CCDC32: variants seen among roughly 807,000 people sequenced by gnomAD.
CCDC32 encodes coiled-coil domain containing 32, also known as coiled-coil domain-containing protein 32.
In CCDC32, 9 loss-of-function variants were observed where a neutral mutation model predicts 20.1. That is an observed-to-expected ratio of 0.45 (90% CI 0.27 to 0.78). The LOEUF (loss-of-function observed/expected upper bound fraction) is 0.78. Ranked by LOEUF, CCDC32 falls within the 30% of genes least tolerant of loss-of-function variation. The pLI is 0.16. For synonymous variants in CCDC32, 63 were observed against 79.0 expected (o/e 0.80, Z 1.07); for missense variants, 204 against 215.5 (o/e 0.95, Z 0.33).
At chr15:40,532,198 G>A (rs1888902184), downstream of CCDC32, 6 of 673,238 alleles carry the variant, frequency 8.9e-6, no homozygotes, top group Non-Finnish European at 1.4e-5. Context: ...TCTGGTCAAG[G>A]GATAGGTTTT....
intron 3 of CCDC32, among the ~76,000 whole-genome samples, chr15:40,545,500 T>C (rs982305427): frequency 6.6e-6 from 1 of 152,036 alleles, no homozygotes; most frequent in African/African-American, 2.4e-5. Context: ...ACACAACACT[T>C]GGGACAGAGG....
intron 3 of CCDC32, among the ~76,000 whole-genome samples, chr15:40,547,216 G>C (rs1339147256): frequency 6.6e-6 from 1 of 152,014 alleles, no homozygotes; most frequent in African/African-American, 2.4e-5. Context: ...CTCTAGTGGT[G>C]GGCTGCTTAG....
chr15:40,551,920 A>G (rs1368717487), downstream of CCDC32, among the ~76,000 whole-genome samples: 3 of 151,828 alleles, frequency 2.0e-5, no homozygotes, highest in Non-Finnish European at 4.4e-5. Flanking sequence ...TGAGAGGCCA[A>G]GGTGGAAGGA....
chr15:40,528,750 C>G (rs1486103778), exon 4 of CCDC32: 7 of 701,502 alleles, frequency 1.0e-5, no homozygotes, highest in Non-Finnish European at 1.6e-5. Flanking sequence ...TCCTAGCTGG[C>G]CTGCCCAAAG....
intron 3 of CCDC32, among the ~76,000 whole-genome samples, chr15:40,539,555 A>G (rs1889286953): frequency 6.6e-6 from 1 of 152,068 alleles, no homozygotes; most frequent in African/African-American, 2.4e-5. Flanking sequence ...AGACAGAGAC[A>G]AGAGACAAAC....
At chr15:40,538,055 G>T (rs1889205551), downstream of CCDC32, 1 of 152,234 alleles carries the variant, frequency 6.6e-6, no homozygotes, top group Non-Finnish European at 1.5e-5. Flanking sequence ...TGACTACAAG[G>T]TCTGCGGTCC....
intron 3 of CCDC32, chr15:40,528,834 T>C (rs1338665502): frequency 1.5e-6 from 1 of 688,758 alleles, no homozygotes; most frequent in Non-Finnish European, 2.6e-6. Flanking sequence ...AGAAAACCCC[T>C]CAACAGTCCT....
downstream of CCDC32, among the ~76,000 whole-genome samples, chr15:40,549,198 C>G (rs1412453374): frequency 6.6e-6 from 1 of 152,176 alleles, no homozygotes; most frequent in Non-Finnish European, 1.5e-5. Flanking sequence ...TCCCTGTTCT[C>G]CCACAATAAA....
chr15:40,542,552 G>A (rs559981556), intron 3 of CCDC32, among the ~76,000 whole-genome samples: 2 of 152,278 alleles, frequency 1.3e-5, no homozygotes, highest in South Asian at 4.1e-4. Context: ...TGCATACCAA[G>A]GCATTCCTGT....
At chr15:40,538,936 G>C, downstream of CCDC32, 6 of 425,342 alleles carry the variant, frequency 1.4e-5, no homozygotes, top group Non-Finnish European at 2.6e-5. Flanking sequence ...GGGGCCTGAG[G>C]TCTAGTGCTT....
chr15:40,529,088 G>A (rs1361953128), intron 3 of CCDC32, among the ~76,000 whole-genome samples: 1 of 152,206 alleles, frequency 6.6e-6, no homozygotes, highest in Non-Finnish European at 1.5e-5. Context: ...GGACCCACAC[G>A]TACACTAGAA....
chr15:40,527,409 G>A (rs140872275), downstream of CCDC32, among the ~76,000 whole-genome samples: 286 of 152,314 alleles, frequency 1.9e-3, 2 homozygotes, highest in African/African-American at 6.7e-3. Flanking sequence ...GATCTCAAGC[G>A]ATCCACCTGC....
rs146011966 is a variant in CCDC32 at position 40,554,572 on chromosome 15, A to G, written c.402-445T>C. On this transcript the variant is annotated intron_variant, in intron 3 of 3. Transcript: ENST00000416810. ...CCTCTTATAGCTGAGGCAGTCTGGG[A>G]CTCAATTATAGCACTTACTTGCACT... Among the ~76,000 whole-genome samples, 210 of 152,080 alleles carry G rather than the reference A, an allele frequency of 1.4e-3. 2 individuals are homozygous for G. The East Asian group carries it at 0.026, about 19-fold the overall frequency.
intron 3 of CCDC32, chr15:40,528,898 A>G (rs1894933871): frequency 1.6e-6 from 1 of 638,922 alleles, no homozygotes; most frequent in East Asian, 2.7e-5. Context: ...ACTCGTGTCT[A>G]ACCACCTCTG....
the CCDC32 span, among the ~76,000 whole-genome samples, chr15:40,523,616 GA>G: frequency 4.0e-5 from 6 of 151,694 alleles, no homozygotes; most frequent in African/African-American, 1.5e-4. Context: ...AAATTGTGTT[GA>G]ACAAATTTTT....
chr15:40,544,539 G>A (rs898952547), intron 3 of CCDC32, among the ~76,000 whole-genome samples: 16 of 152,136 alleles, frequency 1.1e-4, no homozygotes, highest in African/African-American at 3.6e-4. Flanking sequence ...ATTATATGGG[G>A]TTGGAAAGTG....
chr15:40,561,946 T>C lies in CCDC32; in HGVS notation c.244+826A>G, dbSNP rs537775598. ...TGTTTGGAATCTCTCTAGATACTTATACTATGGCCGCAGGACAGGGTACTG... is the reference window on the plus strand; with the variant it reads ...TGTTTGGAATCTCTCTAGATACTTACACTATGGCCGCAGGACAGGGTACTG... On this transcript the variant is annotated intron_variant, in intron 2 of 3. Transcript: ENST00000416810. 4.3e-4 allele frequency: 28 copies of C among 64,660 alleles called. No individual in the cohort carries two copies. The South Asian group carries it at 7.2e-3, about 17-fold the overall frequency. The allele number at this position is 64,660 out of a possible 1,614,324, so 4.0% of individuals were successfully genotyped here.
downstream of CCDC32, chr15:40,532,197 G>A: frequency 1.5e-6 from 1 of 671,116 alleles, no homozygotes; most frequent in South Asian, 1.6e-5. Flanking sequence ...ATCTGGTCAA[G>A]GGATAGGTTT....
chr15:40,543,261 A>G (rs1190201262), intron 3 of CCDC32, among the ~76,000 whole-genome samples: 3 of 152,180 alleles, frequency 2.0e-5, no homozygotes, highest in Middle Eastern at 3.2e-3. Context: ...CTTGCAATAA[A>G]GTCTGAGGTG....
Sources: gnomAD v4.1 joint callset for allele counts (sites outside exome capture counted in the v4.1 genomes callset) on GRCh38, gnomAD v4.1.1 for gene constraint, MANE v1.5 for transcripts, NCBI Gene and HGNC (gene_info 2026-07-23, HGNC 2026-07-21) for gene names.